TRAK1: variants seen among roughly 807,000 people sequenced by gnomAD.
TRAK1 encodes trafficking kinesin-binding protein 1.
TRAK1 carries 33 observed loss-of-function variants against 92.1 expected under a neutral mutation model. That is an observed-to-expected ratio of 0.36 (90% confidence interval 0.27 to 0.48). TRAK1 has a LOEUF of 0.48. Ranked by LOEUF, TRAK1 falls within the 20% of genes least tolerant of loss-of-function variation. The probability of loss-of-function intolerance (pLI) is 0.99; values close to 1 mark genes in which losing one functional copy is unlikely to be tolerated. For missense variants in TRAK1, 1,123 were observed against 1,257.9 expected, an observed-to-expected ratio of 0.89 and a Z score of 1.62; for synonymous variants, 521 against 517.3, an observed-to-expected ratio of 1.01 and a Z score of -0.10.
chr3:42,064,837 G>A (rs751833043), intron 1 of TRAK1, among the ~76,000 whole-genome samples: 5 of 152,068 alleles, frequency 3.3e-5, no homozygotes, highest in Non-Finnish European at 5.9e-5. Flanking sequence ...CAGATCACGA[G>A]GTCAGGAGAT....
chr3:42,068,385 C>T (rs558913754), intron 1 of TRAK1, among the ~76,000 whole-genome samples: 103 of 152,212 alleles, frequency 6.8e-4, no homozygotes, highest in African/African-American at 2.4e-3. Flanking sequence ...AGGCTGGTCT[C>T]GAACTTTTGG....
chr3:42,048,286 A>G (rs1027668476), intron 1 of TRAK1, among the ~76,000 whole-genome samples: 1 of 152,188 alleles, frequency 6.6e-6, no homozygotes, highest in African/African-American at 2.4e-5. Context: ...GCATACTCAC[A>G]GTGCACAAAA....
chr3:42,075,523 T>C (rs995149930), intron 1 of TRAK1, among the ~76,000 whole-genome samples: 2 of 152,208 alleles, frequency 1.3e-5, no homozygotes, highest in Non-Finnish European at 2.9e-5. Context: ...ATTGTTGCGT[T>C]GAATGGTAGT....
chr3:42,140,940 A>C (rs1698572216), intron 2 of TRAK1, among the ~76,000 whole-genome samples: 1 of 152,180 alleles, frequency 6.6e-6, no homozygotes, highest in Non-Finnish European at 1.5e-5. Flanking sequence ...AAGGTGGAGC[A>C]CTGGGGATGC....
At chr3:42,143,308 C>CTTTTTTTTTTTTT (rs369435084) in intron 2 of TRAK1, among the ~76,000 whole-genome samples, 2 of 139,260 alleles carry the variant, frequency 1.4e-5, no homozygotes, top group Non-Finnish European at 3.1e-5. Context: ...TGTACCTCTT[C>CTTTTTTTTTTTTT]TTTTTTTTTT....
intron 1 of TRAK1, among the ~76,000 whole-genome samples, chr3:42,024,653 T>G (rs1205791316): frequency 6.6e-6 from 1 of 152,264 alleles, no homozygotes; most frequent in Non-Finnish European, 1.5e-5. Flanking sequence ...CACTTTCAGC[T>G]AATCATATGA....
intron 10 of TRAK1, 25 bp downstream of exon 10, chr3:42,194,966 A>G (rs1220626168): frequency 3.7e-6 from 6 of 1,612,006 alleles, no homozygotes; most frequent in Non-Finnish European, 4.2e-6. Context: ...CTTCCCAGCC[A>G]GAGGACAGGA....
chr3:42,047,881 G>A (rs774789949), intron 1 of TRAK1, among the ~76,000 whole-genome samples: 1 of 148,432 alleles, frequency 6.7e-6, no homozygotes, highest in Non-Finnish European at 1.5e-5. Flanking sequence ...GCAATCATAT[G>A]CACATAGCTT....
chr3:42,224,000 C>G lies in TRAK1; in HGVS notation c.*263C>G, dbSNP rs115538454. Reference sequence around the variant, plus strand: ...TGCCCCTGCACTGTCATCACTCTCACGAGGACGTCACCTGTGCTAACCTGG... The same window carrying G: ...TGCCCCTGCACTGTCATCACTCTCAGGAGGACGTCACCTGTGCTAACCTGG... On this transcript the variant is annotated 3_prime_UTR_variant, in exon 16 of 16. Coordinates refer to ENST00000327628, the MANE Select transcript of TRAK1 (RefSeq NM_001042646.3). This position sits in a 1 kb window ranked among gnomAD's most constrained non-coding sequence, Gnocchi z 6.1. 2.1e-3 allele frequency: 1,314 copies of G among 622,756 alleles called. 12 individuals carry two copies. The African/African-American group carries it at 0.021, about 10-fold the overall frequency. The allele number at this position is 622,756 out of a possible 1,614,324, so 38.6% of individuals were successfully genotyped here. A position where few individuals can be genotyped will look rare whatever the true frequency, so the allele number is the denominator to read the frequency against.
chr3:42,201,188 G>A (rs1707496802), intron 12 of TRAK1, 134 bp downstream of exon 12: 1 of 976,922 alleles, frequency 1.0e-6, no homozygotes, highest in Non-Finnish European at 1.5e-6. Context: ...GCCGGGCGTG[G>A]TGGCTCGCGC....
chr3:42,190,771 TCCTC>T (rs1288910088), intron 6 of TRAK1, among the ~76,000 whole-genome samples: 3 of 151,034 alleles, frequency 2.0e-5, no homozygotes, highest in Admixed American at 1.3e-4. Flanking sequence ...CCTCTTTCTC[TCCTC>T]CCTCCCTCCC....
intron 1 of TRAK1, among the ~76,000 whole-genome samples, chr3:42,110,313 G>A (rs1708215710): frequency 6.6e-6 from 1 of 151,516 alleles, no homozygotes; most frequent in Non-Finnish European, 1.5e-5. Flanking sequence ...GTGTATGTGT[G>A]TGTGTTGAGG....
rs73828528 is a variant in TRAK1 at position 42,080,243 on chromosome 3, A to G, written c.-518-6861A>G. ...TAGCAAACTGGCATAACGTTGAACA[A>G]CCGTGCGTTAAGTACTCTTGACAAA... On this transcript the variant is annotated intron_variant, in intron 1 of 16. Transcript: ENST00000487159. 3.8e-3 allele frequency among the ~76,000 whole-genome samples: 586 copies of G among 152,274 alleles called. 2 individuals are homozygous for G. The highest frequency in any genetic ancestry group is 0.014 in the African/African-American group (564 of 41,554).
chr3:42,212,090 T>C (rs1296929403), intron 14 of TRAK1: 2 of 985,314 alleles, frequency 2.0e-6, no homozygotes, highest in African/African-American at 3.5e-5. Context: ...AGGACCATTT[T>C]GATTCTTAGA....
intron 2 of TRAK1, chr3:42,146,438 G>A (rs977755122): frequency 1.2e-5 from 2 of 172,250 alleles, no homozygotes; most frequent in South Asian, 1.5e-4. Flanking sequence ...TATTACAAAG[G>A]ATACTGTGAA....
intron 7 of TRAK1, among the ~76,000 whole-genome samples, chr3:42,192,354 C>T (rs925089109): frequency 1.3e-5 from 2 of 152,070 alleles, no homozygotes; most frequent in African/African-American, 4.8e-5. Flanking sequence ...TCCTCCTCTT[C>T]ATTTTAAGTT....
rs780173460 is a variant in TRAK1 at position 42,193,881 on chromosome 3, C to T, written c.958C>T (p.Arg320Trp). ...TCTGGGGGCTGCTAAGGATGCCCAG[C>T]GGCAGCTCACAGCCGAGGTGAGCAC... ...QHLGAAKDAQ[R>W]QLTAELRELE... The change falls in exon 9 of 16, where the codon CGG (arginine) becomes TGG (tryptophan). Residue 320 changes from arginine to tryptophan, a missense_variant. By Grantham distance (101) the Arg-to-Trp change is moderately radical (BLOSUM62 -3). This residue lies in a region of TRAK1 where 686 missense variants were observed against 747.6 expected (regional missense o/e 0.92). Transcript: ENST00000327628. The T allele has an allele frequency of 1.5e-5, 24 of 1,614,010 alleles. 1 individual carries two copies. In the South Asian group the frequency reaches 1.6e-4, roughly 11 times the overall value.
rs116430350 is a variant in TRAK1, at chr3:42,146,414, T to C, written c.286+20800T>C. ...TGTCTCATAAATGTATGTTTTTTAA[T>C]GCCTTTACTGGTTTATTACAAAGGA... On this transcript the variant is annotated intron_variant, in intron 2 of 15. Coordinates refer to ENST00000327628, the MANE Select transcript of TRAK1 (RefSeq NM_001042646.3). 1,047 of 204,500 alleles carry C rather than the reference T, an allele frequency of 5.1e-3. 11 individuals are homozygous for C. Among genetic ancestry groups the C allele is most frequent in the African/African-American group, 0.023 (989 of 42,656 alleles). The allele number at this position is 204,500 out of a possible 1,614,324, so 12.7% of individuals were successfully genotyped here.
At chr3:42,192,690 A>C (rs970187842) in intron 7 of TRAK1, among the ~76,000 whole-genome samples, 3 of 152,186 alleles carry the variant, frequency 2.0e-5, no homozygotes, top group Non-Finnish European at 4.4e-5. Flanking sequence ...CTGTTTAGTC[A>C]CATGGGTTCT....
Sources: gnomAD v4.1 joint callset for allele counts (sites outside exome capture counted in the v4.1 genomes callset) on GRCh38, gnomAD v4.1.1 for gene constraint, gnomAD v4.1.1 regional missense constraint, Gnocchi (gnomAD v3.1) non-coding constraint, MANE v1.5 for transcripts, NCBI Gene and HGNC (gene_info 2026-07-23, HGNC 2026-07-21) for gene names.